The following RBPJ variants were observed in gnomAD, a reference collection of about 807,000 sequenced individuals.
RBPJ encodes the protein recombining binding protein suppressor of hairless.
In RBPJ, 9 loss-of-function variants were observed where a neutral mutation model predicts 67.8. That is an observed-to-expected ratio of 0.13 (90% CI 0.08 to 0.23). The LOEUF is 0.23. RBPJ is among the 10% of genes least tolerant of loss of function. The pLI, the probability that RBPJ is intolerant of heterozygous loss-of-function variation, is 1.00. For missense variants in RBPJ, 305 were observed against 595.6 expected, an observed-to-expected ratio of 0.51 and a Z score of 5.08; for synonymous variants, 198 against 203.3, an observed-to-expected ratio of 0.97 and a Z score of 0.22.
chr4:26,158,206 T>C, the RBPJ span, among the ~76,000 whole-genome samples: 2 of 152,102 alleles, frequency 1.3e-5, no homozygotes, highest in African/African-American at 4.8e-5. Flanking sequence ...ACCTTGGCCA[T>C]AGTCACTTGA....
At chr4:26,163,771 A>C (rs923772122) in intron 1 of RBPJ, among the ~76,000 whole-genome samples, 1 of 152,218 alleles carries the variant, frequency 6.6e-6, no homozygotes, top group African/African-American at 2.4e-5. Context: ...AAATCTCTGC[A>C]TGGTAGTGTT....
At chr4:26,109,260 CCAT>C in the RBPJ span, among the ~76,000 whole-genome samples, 1 of 150,958 alleles carries the variant, frequency 6.6e-6, no homozygotes, top group African/African-American at 2.4e-5. Context: ...GGCATGGCCA[CCAT>C]GTCAGCTAAT....
chr4:26,200,248 T>G (rs2109152825), intron 1 of RBPJ, among the ~76,000 whole-genome samples: 1 of 152,370 alleles, frequency 6.6e-6, no homozygotes, highest in Non-Finnish European at 1.5e-5. Context: ...AAGATATTGT[T>G]GGCATTTTAC....
At chr4:26,415,222 A>G (rs982447106) in intron 3 of RBPJ, among the ~76,000 whole-genome samples, 2 of 152,220 alleles carry the variant, frequency 1.3e-5, no homozygotes, top group Non-Finnish European at 2.9e-5. Context: ...TCTGTACTCT[A>G]AAAAGTATTT....
At chr4:26,148,351 C>T in the RBPJ span, among the ~76,000 whole-genome samples, 8 of 152,086 alleles carry the variant, frequency 5.3e-5, no homozygotes, top group Admixed American at 1.3e-4. Context: ...TGGTGTGTTT[C>T]GGAGAGGTCA....
rs550492986 is a variant in RBPJ at position 26,273,526 on chromosome 4, T to C, written c.-166-88920T>C. On this transcript the variant is annotated intron_variant, in intron 1 of 4. Coordinates refer to the RBPJ transcript ENST00000512351. ...CAGCTCTAGCTGCCTGGAAGGAAAC[T>C]GGCAGCAGAGAGCAGTATCTATGTC... Among the ~76,000 whole-genome samples the C allele has an allele frequency of 1.8e-3, 275 of 152,314 alleles. 1 individual carries two copies. The highest frequency in any genetic ancestry group is 5.6e-3 in the African/African-American group (234 of 41,568).
chr4:26,162,713 G>C (rs573669470), upstream of RBPJ, among the ~76,000 whole-genome samples: 1 of 152,314 alleles, frequency 6.6e-6, no homozygotes, highest in Admixed American at 6.5e-5. Flanking sequence ...AGGCAGTCAG[G>C]CTCCGAGCAC....
intron 1 of RBPJ, among the ~76,000 whole-genome samples, chr4:26,235,032 G>A (rs912952618): frequency 2.0e-5 from 3 of 152,078 alleles, no homozygotes; most frequent in Admixed American, 6.6e-5. Context: ...ATCCACTGCT[G>A]AATAAAGCCT....
intron 1 of RBPJ, among the ~76,000 whole-genome samples, chr4:26,209,051 A>C (rs1718267799): frequency 6.6e-6 from 1 of 151,198 alleles, no homozygotes; most frequent in Admixed American, 6.6e-5. Context: ...AGATATAAAG[A>C]CAGTATGCTA....
intron 1 of RBPJ, among the ~76,000 whole-genome samples, chr4:26,374,279 A>C (rs1729480862): frequency 6.6e-6 from 1 of 152,050 alleles, no homozygotes; most frequent in African/African-American, 2.4e-5. Flanking sequence ...ACTTCTAGTA[A>C]TCAAGGAAAA....
At chr4:26,230,025 C>CA (rs879348682) in intron 1 of RBPJ, among the ~76,000 whole-genome samples, 9 of 151,676 alleles carry the variant, frequency 5.9e-5, no homozygotes, top group South Asian at 2.1e-4. Context: ...TCCACCTCTG[C>CA]AAAAAAATAC....
In RBPJ at chr4:26,431,903, C is replaced by T. The variant is rs746427416; in HGVS notation, c.*896C>T. 2 of 151,946 alleles carry T rather than the reference C, an allele frequency of 1.3e-5. No individual in the cohort carries two copies. Among genetic ancestry groups the T allele is most frequent in the Non-Finnish European group, 2.9e-5 (2 of 68,008 alleles). The allele number at this position is 151,946 out of a possible 1,614,324, so 9.4% of individuals were successfully genotyped here. A position where few individuals can be genotyped will look rare whatever the true frequency, so the allele number is the denominator to read the frequency against. ...AACATTCACATGCAATTTGGTGTGG[C>T]CATTTAGCTATTAATGAGTTAATGG... On this transcript the variant is annotated 3_prime_UTR_variant, in exon 11 of 11. Coordinates refer to ENST00000355476, the MANE Select transcript of RBPJ (RefSeq NM_015874.6).
chr4:26,266,212 C>T (rs796397519), intron 1 of RBPJ, among the ~76,000 whole-genome samples: 4 of 152,216 alleles, frequency 2.6e-5, no homozygotes, highest in Middle Eastern at 3.4e-3. Context: ...ACATAGTCTA[C>T]ATCCTGGAAA....
Position 26,390,474 on chromosome 4 carries a change from T to C in RBPJ, c.59+4083T>C, listed in dbSNP as rs143245415. 1.2e-4 allele frequency among the ~76,000 whole-genome samples: 18 copies of C among 152,342 alleles called. No individual in the cohort carries two copies. The East Asian group carries it at 3.3e-3, about 28-fold the overall frequency. On this transcript the variant is annotated intron_variant, in intron 2 of 10. Coordinates refer to ENST00000355476, the MANE Select transcript of RBPJ (RefSeq NM_015874.6). ...AAACTGTCTTTATTTGCAGATATCATGATCATATGTATAGAAAATTCTGCG... is the reference window on the plus strand; with the variant it reads ...AAACTGTCTTTATTTGCAGATATCACGATCATATGTATAGAAAATTCTGCG...
At chr4:26,191,378 G>A (rs1717540650) in intron 1 of RBPJ, among the ~76,000 whole-genome samples, 1 of 151,128 alleles carries the variant, frequency 6.6e-6, no homozygotes, top group Non-Finnish European at 1.5e-5. Flanking sequence ...CAGCTCCACA[G>A]AGGGTTTTCT....
chr4:26,222,657 T>TAC (rs1553850672), intron 1 of RBPJ, among the ~76,000 whole-genome samples: 23 of 146,112 alleles, frequency 1.6e-4, no homozygotes, highest in African/African-American at 5.0e-4. Flanking sequence ...TATATATATA[T>TAC]ACCTATTATG....
intron 1 of RBPJ, among the ~76,000 whole-genome samples, chr4:26,327,224 G>A (rs193109349): frequency 3.3e-5 from 5 of 152,172 alleles, no homozygotes; most frequent in African/African-American, 4.8e-5. Flanking sequence ...ATGTATTTCC[G>A]AACATGTCAT....
chr4:26,374,394 A>T (rs907258506), intron 1 of RBPJ, among the ~76,000 whole-genome samples: 1 of 152,058 alleles, frequency 6.6e-6, no homozygotes, highest in African/African-American at 2.4e-5. Flanking sequence ...ACTCACACTA[A>T]ATCAGTGCTA....
rs555962478 is a variant in RBPJ at position 26,407,155 on chromosome 4, G to A, written c.155+885G>A. 1.5e-3 allele frequency among the ~76,000 whole-genome samples: 232 copies of A among 152,232 alleles called. 1 individual carries two copies. Among genetic ancestry groups the A allele is most frequent in the Non-Finnish European group, 1.9e-3 (131 of 68,020 alleles). ...TATTCACAAAGAAGCTTTCTTTTTG[G>A]TGGAAAATGTAGTTTTTTACGCAAA... is the stretch of plus-strand genomic sequence containing the variant. On this transcript the variant is annotated intron_variant, in intron 3 of 10. Transcript: ENST00000355476.
Sources: gnomAD v4.1 joint callset for allele counts (sites outside exome capture counted in the v4.1 genomes callset) on GRCh38, gnomAD v4.1.1 for gene constraint, MANE v1.5 for transcripts, NCBI Gene and HGNC (gene_info 2026-07-23, HGNC 2026-07-21) for gene names.